Variants in HIRA observed in about 807,000 individuals in gnomAD.
HIRA encodes the protein protein HIRA.
In HIRA, 13 loss-of-function variants were observed where a neutral mutation model predicts 126.6. The observed-to-expected ratio is 0.10, with a 90% CI of 0.07 to 0.16. The LOEUF is 0.16. Among genes scored for constraint, HIRA ranks in the 10% least tolerant of loss-of-function variants. The pLI is 1.00. For missense variants in HIRA, 834 were observed against 1,314.4 expected (o/e 0.63, Z 5.65); for synonymous variants, 511 against 520.0 (o/e 0.98, Z 0.24).
At chr22:19,394,223 C>T in intron 8 of HIRA, 119 bp downstream of exon 8, 2 of 1,225,368 alleles carry the variant, frequency 1.6e-6, no homozygotes, top group Non-Finnish European at 2.3e-6. Context: ...CAACCAAGTA[C>T]ATACTCTATT....
intron 10 of HIRA, among the ~76,000 whole-genome samples, 156 bp from the exon 11 acceptor site, chr22:19,387,972 C>CG (rs1239558796): frequency 0.031 from 1,145 of 36,830 alleles, 7 homozygotes; most frequent in African/African-American, 0.059. Flanking sequence ...TTGGCCTGGG[C>CG]GGGGGGGGGA....
chr22:19,388,022 T>C (rs2089143344), intron 10 of HIRA, among the ~76,000 whole-genome samples: 1 of 152,122 alleles, frequency 6.6e-6, no homozygotes, highest in South Asian at 2.1e-4. Flanking sequence ...TGGTGTTCTT[T>C]AGCTCTAAGC....
At chr22:19,403,292 C>G (rs1312529130) in intron 5 of HIRA, among the ~76,000 whole-genome samples, 3 of 151,938 alleles carry the variant, frequency 2.0e-5, no homozygotes, top group Non-Finnish European at 4.4e-5. Context: ...ACTACACTTA[C>G]AAGTCACATT....
intron 23 of HIRA, 63 bp downstream of exon 23, chr22:19,353,293 G>A: frequency 3.1e-6 from 5 of 1,588,632 alleles, no homozygotes; most frequent in Non-Finnish European, 4.3e-6. Flanking sequence ...CAGGGACTAA[G>A]TGAGGCCTGG....
At chr22:19,431,001 G>A (rs1204116808) in intron 1 of HIRA, among the ~76,000 whole-genome samples, 1 of 152,210 alleles carries the variant, frequency 6.6e-6, no homozygotes, top group Non-Finnish European at 1.5e-5. Context: ...CAGAGGGGCA[G>A]TAACAGTCCC....
Position 19,382,009 on chromosome 22 carries a change from GCA to G in HIRA, c.1415+1609_1415+1610del, listed in dbSNP as rs554210575. Among the ~76,000 whole-genome samples, 86 of 152,062 alleles carry G rather than the reference GCA, an allele frequency of 5.7e-4. 1 individual carries two copies. The highest frequency in any genetic ancestry group is 1.8e-3 in the Admixed American group (28 of 15,286). Reference sequence around the variant, plus strand: ...ATCCACTTTCTGTGCAAATTTATTTGCACAGAGTTCAGCAAAGAAGTCTCTCA... The same window carrying G: ...ATCCACTTTCTGTGCAAATTTATTTGCAGAGTTCAGCAAAGAAGTCTCTCA... On this transcript the variant is annotated intron_variant, in intron 13 of 24. Transcript: ENST00000263208.
intron 12 of HIRA, 148 bp from the exon 13 acceptor site, chr22:19,383,853 T>C (rs1177982895): frequency 1.6e-6 from 1 of 628,938 alleles, no homozygotes; most frequent in South Asian, 1.9e-5. Flanking sequence ...TGCAATATCA[T>C]ATTGTGAACT....
At chr22:19,380,771 G>A (rs1031024164) in intron 13 of HIRA, among the ~76,000 whole-genome samples, 7 of 152,112 alleles carry the variant, frequency 4.6e-5, no homozygotes, top group African/African-American at 1.7e-4. Context: ...CTACAGGTGG[G>A]CACCACCACT....
chr22:19,413,698 G>A (rs1262586568), intron 1 of HIRA, among the ~76,000 whole-genome samples: 1 of 151,872 alleles, frequency 6.6e-6, no homozygotes, highest in Non-Finnish European at 1.5e-5. Context: ...TGCAAGCTCC[G>A]TCTCCCAGGT....
At chr22:19,399,309 G>T (rs1024337510) in intron 5 of HIRA, 3 of 201,948 alleles carry the variant, frequency 1.5e-5, no homozygotes, top group African/African-American at 2.4e-5. Context: ...AATATCTATT[G>T]TATTTTTTCC....
chr22:19,415,245 A>G (rs879440087), intron 1 of HIRA, among the ~76,000 whole-genome samples: 1 of 152,234 alleles, frequency 6.6e-6, no homozygotes, highest in Non-Finnish European at 1.5e-5. Context: ...TGCAGGATAC[A>G]AAATCAACAA....
intron 1 of HIRA, among the ~76,000 whole-genome samples, chr22:19,417,665 C>T (rs955702005): frequency 6.6e-6 from 1 of 152,228 alleles, no homozygotes; most frequent in Middle Eastern, 3.4e-3. Context: ...CAAAAAACCT[C>T]AGGAAATAAG....
At chr22:19,406,362 A>G (rs909270490) in intron 4 of HIRA, among the ~76,000 whole-genome samples, 5 of 152,204 alleles carry the variant, frequency 3.3e-5, no homozygotes, top group African/African-American at 1.2e-4. Context: ...AGCAAAATCA[A>G]CAGTATTTTA....
At chr22:19,396,336 C>A (rs879335079) in intron 7 of HIRA, among the ~76,000 whole-genome samples, 3 of 152,164 alleles carry the variant, frequency 2.0e-5, no homozygotes, top group Non-Finnish European at 4.4e-5. Flanking sequence ...GCCAACATGG[C>A]GAAACCGCAT....
intron 11 of HIRA, among the ~76,000 whole-genome samples, chr22:19,386,265 C>A (rs960856098): frequency 6.6e-6 from 1 of 152,166 alleles, no homozygotes; most frequent in African/African-American, 2.4e-5. Context: ...TTTACTCCCA[C>A]CCCTCCTAGT....
intron 14 of HIRA, among the ~76,000 whole-genome samples, chr22:19,377,449 T>C (rs1292780282): frequency 6.6e-6 from 1 of 152,078 alleles, no homozygotes; most frequent in Non-Finnish European, 1.5e-5. Flanking sequence ...TCTGAGAGTA[T>C]AAGGGGAGTC....
chr22:19,342,753 T>C (rs1312448356), intron 24 of HIRA, among the ~76,000 whole-genome samples: 1 of 152,192 alleles, frequency 6.6e-6, no homozygotes, highest in Non-Finnish European at 1.5e-5. Flanking sequence ...ACTGTGTATC[T>C]ACCCAGAGGA....
At chr22:19,394,303 T>C in intron 8 of HIRA, 39 bp downstream of exon 8, 5 of 1,601,918 alleles carry the variant, frequency 3.1e-6, no homozygotes, top group Non-Finnish European at 4.3e-6. Context: ...ATTTGCTGAA[T>C]CTTGGAGCCC....
At chr22:19,424,439 C>A (rs769729362) in intron 1 of HIRA, among the ~76,000 whole-genome samples, 3 of 152,192 alleles carry the variant, frequency 2.0e-5, no homozygotes, top group Non-Finnish European at 4.4e-5. Context: ...AAAAGGCTCA[C>A]CAAGCACATT....
Sources: gnomAD v4.1 joint callset for allele counts (sites outside exome capture counted in the v4.1 genomes callset) on GRCh38, gnomAD v4.1.1 for gene constraint, MANE v1.5 for transcripts, NCBI Gene and HGNC (gene_info 2026-07-23, HGNC 2026-07-21) for gene names.